The following DIS3L2 variants were observed in gnomAD, a reference collection of about 807,000 sequenced individuals.
DIS3L2 encodes the protein DIS3-like exonuclease 2.
A neutral mutation model predicts 97.5 loss-of-function variants in DIS3L2; 34 were observed. The ratio of observed to expected loss-of-function variants is 0.35; its 90% CI spans 0.27 to 0.46. The LOEUF (loss-of-function observed/expected upper bound fraction) is 0.46. Among genes scored for constraint, DIS3L2 ranks in the 20% least tolerant of loss-of-function variants. DIS3L2 has a pLI of 1.00. For synonymous variants in DIS3L2, 435 were observed against 445.2 expected (o/e 0.98, Z 0.29); for missense variants, 1,038 against 1,146.0 (o/e 0.91, Z 1.36).
intron 10 of DIS3L2, among the ~76,000 whole-genome samples, chr2:232,216,294 C>T (rs1243011924): frequency 1.3e-5 from 2 of 152,216 alleles, no homozygotes; most frequent in African/African-American, 4.8e-5. Flanking sequence ...CCTTGAAATT[C>T]ACTCACTCTT....
intron 1 of DIS3L2, among the ~76,000 whole-genome samples, chr2:231,989,290 C>T (rs566732296): frequency 8.7e-5 from 13 of 150,238 alleles, no homozygotes; most frequent in Non-Finnish European, 1.9e-4. Context: ...GAATATTTTG[C>T]CAGTGTGACC....
rs568195758 is a variant in DIS3L2, at chr2:232,205,670, G to T, written c.1125-4656G>T. 5.3e-5 allele frequency among the ~76,000 whole-genome samples: 8 copies of T among 152,240 alleles called. No individual in the cohort carries two copies. The South Asian group carries it at 1.7e-3, about 32-fold the overall frequency. On this transcript the variant is annotated intron_variant, in intron 9 of 20. Transcript: ENST00000325385. ...GAGTAGGAAAATTAGGCACAGCCAGGATAAGGGTTAGTTCACAAAGTGCAA... is the reference window on the plus strand; with the variant it reads ...GAGTAGGAAAATTAGGCACAGCCAGTATAAGGGTTAGTTCACAAAGTGCAA...
At chr2:231,968,097 ATTT>A (rs34272468) in intron 1 of DIS3L2, among the ~76,000 whole-genome samples, 8 of 134,636 alleles carry the variant, frequency 5.9e-5, no homozygotes, top group Admixed American at 7.6e-5. Context: ...CAGATAACTG[ATTT>A]TTTTTTTTTT....
intron 1 of DIS3L2, among the ~76,000 whole-genome samples, chr2:232,005,326 G>T (rs1451752583): frequency 6.6e-6 from 1 of 152,014 alleles, no homozygotes; most frequent in Non-Finnish European, 1.5e-5. Flanking sequence ...ATGTTGCGTT[G>T]AGTCTGTCCT....
At chr2:232,261,133 A>G (rs114719940) in intron 12 of DIS3L2, among the ~76,000 whole-genome samples, 129 of 152,196 alleles carry the variant, frequency 8.5e-4, no homozygotes, top group African/African-American at 3.0e-3. Context: ...CTCATGCTCA[A>G]CTACATAGAT....
At chr2:232,231,800 G>A (rs770036599) in intron 10 of DIS3L2, among the ~76,000 whole-genome samples, 12 of 152,212 alleles carry the variant, frequency 7.9e-5, no homozygotes, top group South Asian at 6.2e-4. Flanking sequence ...CAATCACTGC[G>A]GGCCCAGCCC....
At chr2:232,244,858 C>T (rs140081425) in intron 11 of DIS3L2, among the ~76,000 whole-genome samples, 189 of 152,264 alleles carry the variant, frequency 1.2e-3, no homozygotes, top group African/African-American at 4.2e-3. Flanking sequence ...CCTGCCAACC[C>T]TCATGGAGGT....
intron 13 of DIS3L2, among the ~76,000 whole-genome samples, chr2:232,272,896 G>A (rs1694043450): frequency 6.6e-6 from 1 of 152,126 alleles, no homozygotes; most frequent in African/African-American, 2.4e-5. Context: ...CAGATCCTCA[G>A]AAGAACTCTG....
At chr2:232,183,827 T>TG (rs1296071680) in intron 9 of DIS3L2, among the ~76,000 whole-genome samples, 2 of 152,042 alleles carry the variant, frequency 1.3e-5, no homozygotes, top group Admixed American at 1.3e-4. Flanking sequence ...ACCCGGTAAA[T>TG]GGGGGTTTTC....
chr2:231,968,263 A>G (rs1692785544), intron 1 of DIS3L2, among the ~76,000 whole-genome samples: 1 of 151,976 alleles, frequency 6.6e-6, no homozygotes, highest in South Asian at 2.1e-4. Context: ...ATGCCCAGCT[A>G]ATTTTTGTAT....
rs146013519 is a variant in DIS3L2, at chr2:232,036,010, T to C, written c.366+5930T>C. Among the ~76,000 whole-genome samples the C allele has an allele frequency of 1.5e-3, 232 of 152,324 alleles. 1 individual carries two copies. The highest frequency in any genetic ancestry group is 2.9e-3 in the Admixed American group (44 of 15,302). On this transcript the variant is annotated intron_variant, in intron 5 of 20. Coordinates refer to ENST00000325385, the MANE Select transcript of DIS3L2 (RefSeq NM_152383.5). ...TGACAATATGTGTCTTGGGGTTGCC[T>C]TTCTCGAGGAGTATCTTTATGATGT...
downstream of DIS3L2, chr2:232,337,281 C>T: frequency 3.6e-6 from 3 of 832,482 alleles, no homozygotes; most frequent in Non-Finnish European, 4.3e-6. Flanking sequence ...CCTCTCTGCA[C>T]CAGCTCCGCA....
intron 14 of DIS3L2, among the ~76,000 whole-genome samples, chr2:232,305,525 A>G (rs888190186): frequency 3.9e-5 from 6 of 152,090 alleles, no homozygotes; most frequent in Non-Finnish European, 8.8e-5. Flanking sequence ...TTTTGGTTGT[A>G]TTTATTTTAC....
chr2:232,249,383 T>C, intron 12 of DIS3L2, 37 bp downstream of exon 12: 1 of 1,596,854 alleles, frequency 6.3e-7, no homozygotes. Flanking sequence ...CACTTACCTC[T>C]TTTCTGTTCC....
In DIS3L2 at chr2:232,271,130, A is replaced by C. The variant is rs974231939; in HGVS notation, c.1659+7690A>C. ...TCCTAAAATTTAAAACAGCTGAAAG[A>C]GGTGGTTGACAGTATCTTGCTAAAC... On this transcript the variant is annotated intron_variant, in intron 13 of 20. Coordinates refer to ENST00000325385, the MANE Select transcript of DIS3L2 (RefSeq NM_152383.5). Among the ~76,000 whole-genome samples the C allele has an allele frequency of 5.9e-5, 9 of 152,328 alleles. 1 individual carries two copies. The Middle Eastern group carries it at 0.014, about 230-fold the overall frequency.
At chr2:232,208,553 T>C (rs1053193433) in intron 9 of DIS3L2, among the ~76,000 whole-genome samples, 1 of 152,220 alleles carries the variant, frequency 6.6e-6, no homozygotes, top group Non-Finnish European at 1.5e-5. Context: ...TCAGGTGATC[T>C]GCCCACCTTG....
intron 9 of DIS3L2, among the ~76,000 whole-genome samples, chr2:232,193,298 A>G (rs921549821): frequency 5.9e-5 from 9 of 152,360 alleles, no homozygotes; most frequent in African/African-American, 1.7e-4. Context: ...ACAAGAACAC[A>G]GGTTTTAGAG....
Position 232,276,751 on chromosome 2 carries a change from G to A in DIS3L2, c.1659+13311G>A, listed in dbSNP as rs1364266060. ...GATCCCGACTCCCTCACTTAGCTGT[G>A]TGACTCTAACTCTTCTGTGCCTCAG... On this transcript the variant is annotated intron_variant, in intron 13 of 20. Transcript: ENST00000325385. This position sits in a 1 kb window ranked among gnomAD's most constrained non-coding sequence, Gnocchi z 4.4. 6.6e-6 allele frequency among the ~76,000 whole-genome samples: 1 copy of A among 152,208 alleles called. No individual in the cohort carries two copies. Among genetic ancestry groups the A allele is most frequent in the East Asian group, 1.9e-4 (1 of 5,202 alleles).
chr2:232,274,648 C>T (rs1335413203), intron 13 of DIS3L2, among the ~76,000 whole-genome samples: 2 of 152,190 alleles, frequency 1.3e-5, no homozygotes, highest in African/African-American at 4.8e-5. Context: ...CCTTGCCACT[C>T]AAGAGCCTGC....
Sources: allele counts gnomAD v4.1 joint callset (sites outside exome capture counted in the v4.1 genomes callset), GRCh38; gene constraint gnomAD v4.1.1; non-coding constraint Gnocchi (gnomAD v3.1); transcripts MANE v1.5; gene names NCBI Gene and HGNC (gene_info 2026-07-23, HGNC 2026-07-21).